NR3C2: variants seen among roughly 807,000 people sequenced by gnomAD.
NR3C2 encodes the protein nuclear receptor subfamily 3 group C member 2.
NR3C2 carries 15 observed loss-of-function variants against 86.4 expected under a neutral mutation model. That is an observed-to-expected ratio of 0.17 (90% CI 0.12 to 0.27). The LOEUF (loss-of-function observed/expected upper bound fraction) is 0.27. Among genes scored for constraint, NR3C2 ranks in the 10% least tolerant of loss-of-function variants. The probability of loss-of-function intolerance (pLI) is 1.00; values close to 1 mark genes in which losing one functional copy is unlikely to be tolerated. For missense variants in NR3C2, 960 were observed against 1,195.6 expected (o/e 0.80, Z 2.91); for synonymous variants, 458 against 450.5 (o/e 1.02, Z -0.21).
At chr4:148,323,863 T>A (rs1245203766) in intron 2 of NR3C2, among the ~76,000 whole-genome samples, 5 of 131,062 alleles carry the variant, frequency 3.8e-5, no homozygotes, top group Non-Finnish European at 6.3e-5. Context: ...CTGGGAGCTG[T>A]GGACCGGAGC....
intron 2 of NR3C2, among the ~76,000 whole-genome samples, chr4:148,395,432 G>A (rs1023093772): frequency 2.0e-5 from 3 of 152,230 alleles, no homozygotes; most frequent in East Asian, 1.9e-4. Context: ...TGGGGATCAC[G>A]GCAACACGGA....
At chr4:148,086,410 C>G (rs945308726) in intron 8 of NR3C2, among the ~76,000 whole-genome samples, 58 of 152,252 alleles carry the variant, frequency 3.8e-4, no homozygotes, top group African/African-American at 1.3e-3. Context: ...CAGAAAAGGC[C>G]TTTGATAAAA....
intron 4 of NR3C2, among the ~76,000 whole-genome samples, chr4:148,192,291 C>G (rs1401717521): frequency 6.6e-6 from 1 of 152,190 alleles, no homozygotes; most frequent in Admixed American, 6.5e-5. Flanking sequence ...TGGCTCCGGG[C>G]TGGCATTGGG....
At chr4:148,129,611 T>C (rs1254015512) in intron 6 of NR3C2, among the ~76,000 whole-genome samples, 1 of 152,228 alleles carries the variant, frequency 6.6e-6, no homozygotes, top group Non-Finnish European at 1.5e-5. Flanking sequence ...TATTTATTTA[T>C]TTTTGATGGA....
intron 2 of NR3C2, among the ~76,000 whole-genome samples, chr4:148,261,229 A>G (rs1021666365): frequency 3.7e-4 from 56 of 150,562 alleles, no homozygotes; most frequent in East Asian, 3.0e-3. Context: ...CCTATGGTGC[A>G]CTATGGTAAG....
At chr4:148,189,848 A>G (rs1306113749) in intron 4 of NR3C2, among the ~76,000 whole-genome samples, 6 of 152,132 alleles carry the variant, frequency 3.9e-5, no homozygotes, top group African/African-American at 1.2e-4. Flanking sequence ...AGTAGCCTTG[A>G]ATGATCTTTT....
intron 2 of NR3C2, among the ~76,000 whole-genome samples, chr4:148,337,296 G>T (rs989237815): frequency 2.0e-5 from 3 of 152,026 alleles, no homozygotes; most frequent in Non-Finnish European, 2.9e-5. Flanking sequence ...CTACAATAAG[G>T]ATATCTTACT....
chr4:148,432,495 TCTGA>T (rs1749840977), intron 2 of NR3C2, among the ~76,000 whole-genome samples: 1 of 152,176 alleles, frequency 6.6e-6, no homozygotes, highest in South Asian at 2.1e-4. Context: ...AAGCATGATT[TCTGA>T]CTGTGTGAAC....
At chr4:148,377,108 T>C (rs1360167336) in intron 2 of NR3C2, among the ~76,000 whole-genome samples, 1 of 152,218 alleles carries the variant, frequency 6.6e-6, no homozygotes. Context: ...CATTTTATTC[T>C]GGTAGGGAAG....
intron 8 of NR3C2, among the ~76,000 whole-genome samples, chr4:148,081,746 G>A (rs902796452): frequency 7.2e-5 from 11 of 152,204 alleles, no homozygotes; most frequent in Non-Finnish European, 1.0e-4. Context: ...AGCACTGAAT[G>A]TATGAGCTGA....
intron 3 of NR3C2, among the ~76,000 whole-genome samples, chr4:148,240,247 T>C (rs1738957400): frequency 6.8e-6 from 1 of 147,730 alleles, no homozygotes; most frequent in Non-Finnish European, 1.5e-5. Flanking sequence ...AAATTATATA[T>C]ATATTTATAT....
intron 6 of NR3C2, among the ~76,000 whole-genome samples, chr4:148,133,937 TCTTA>T (rs1733156244): frequency 6.6e-6 from 1 of 152,244 alleles, no homozygotes. Flanking sequence ...CTTTCTATCT[TCTTA>T]CTTTGGAAGA....
chr4:148,288,068 C>T (rs992017581), intron 2 of NR3C2, among the ~76,000 whole-genome samples: 1 of 152,134 alleles, frequency 6.6e-6, no homozygotes, highest in Non-Finnish European at 1.5e-5. Context: ...GCAAACAGCA[C>T]ATAGAAAATT....
chr4:148,151,232 T>C (rs1439631643), intron 6 of NR3C2, among the ~76,000 whole-genome samples: 1 of 150,948 alleles, frequency 6.6e-6, no homozygotes, highest in African/African-American at 2.4e-5. Flanking sequence ...AATCAAACGC[T>C]GAGGGCATTA....
At chr4:148,360,916 T>C (rs1329550254) in intron 2 of NR3C2, among the ~76,000 whole-genome samples, 1 of 152,184 alleles carries the variant, frequency 6.6e-6, no homozygotes, top group East Asian at 1.9e-4. Flanking sequence ...TCCACGATAA[T>C]AAAGTGTATG....
intron 3 of NR3C2, among the ~76,000 whole-genome samples, chr4:148,215,223 G>T (rs1469046671): frequency 6.6e-6 from 1 of 152,222 alleles, no homozygotes; most frequent in African/African-American, 2.4e-5. Context: ...TTACCCTTAT[G>T]TCCTTGGGAT....
At chr4:148,242,021 G>T (rs189989121) in intron 3 of NR3C2, among the ~76,000 whole-genome samples, 1 of 152,256 alleles carries the variant, frequency 6.6e-6, no homozygotes, top group Admixed American at 6.5e-5. Flanking sequence ...AAAGTAGAAT[G>T]GTGCATGACA....
intron 6 of NR3C2, among the ~76,000 whole-genome samples, chr4:148,144,146 C>T (rs762211019): frequency 6.6e-6 from 1 of 152,116 alleles, no homozygotes; most frequent in Non-Finnish European, 1.5e-5. Flanking sequence ...AGCAGGTTAT[C>T]CATTTCTTCC....
chr4:148,425,881 A>AT (rs1560727946), intron 2 of NR3C2, among the ~76,000 whole-genome samples: 2 of 152,238 alleles, frequency 1.3e-5, no homozygotes, highest in African/African-American at 4.8e-5. Context: ...CTCAGTTTTC[A>AT]TATCTGTAAA....
Sources: allele counts gnomAD v4.1 joint callset (sites outside exome capture counted in the v4.1 genomes callset), GRCh38; gene constraint gnomAD v4.1.1; transcripts MANE v1.5; gene names NCBI Gene and HGNC (gene_info 2026-07-23, HGNC 2026-07-21).